BCAS1: variants seen among roughly 807,000 people sequenced by gnomAD.
BCAS1 encodes the protein brain enriched myelin associated protein 1.
Under a neutral mutation model 65.4 loss-of-function variants are expected in BCAS1, and 46 were observed. The observed-to-expected ratio is 0.70, with a 90% CI of 0.55 to 0.90. The LOEUF is 0.90. BCAS1 is among the 40% of genes least tolerant of loss of function. The probability of loss-of-function intolerance (pLI) is 0.00; values close to 1 mark genes in which losing one functional copy is unlikely to be tolerated. For synonymous variants in BCAS1, 298 were observed against 293.5 expected (o/e 1.02, Z -0.16); for missense variants, 793 against 771.2 (o/e 1.03, Z -0.33).
intron 3 of BCAS1, among the ~76,000 whole-genome samples, chr20:54,029,899 G>T (rs963862765): frequency 6.6e-6 from 1 of 152,194 alleles, no homozygotes; most frequent in Non-Finnish European, 1.5e-5. Flanking sequence ...TATTAGCATA[G>T]ACTGTTAAGA....
At chr20:54,014,319 G>A (rs1227447288) in intron 4 of BCAS1, among the ~76,000 whole-genome samples, 2 of 151,994 alleles carry the variant, frequency 1.3e-5, no homozygotes, top group African/African-American at 4.8e-5. Flanking sequence ...CTTTTTTGTT[G>A]GCTTCAAAGA....
chr20:54,053,278 C>T (rs2092248051), intron 3 of BCAS1, among the ~76,000 whole-genome samples: 1 of 152,156 alleles, frequency 6.6e-6, no homozygotes, highest in African/African-American at 2.4e-5. Context: ...GAAAGATCTC[C>T]AATCCACATG....
intron 3 of BCAS1, among the ~76,000 whole-genome samples, chr20:54,055,243 A>G (rs1019875367): frequency 3.3e-5 from 5 of 152,216 alleles, no homozygotes; most frequent in African/African-American, 1.2e-4. Context: ...GAAGTTCCTA[A>G]GAAAGTTAAA....
At position 53,966,900 on chromosome 20, in the gene BCAS1, G is replaced by T. The variant is rs755640418; in HGVS notation, c.1485+6C>A. On this transcript the variant is annotated splice_donor_region_variant and intron_variant, in intron 10 of 12. Transcript: ENST00000688948. ...AGGTTTCCTATACTGGAAGTAAGGGGCTTACCATTTGTCTGAGAAACGCCA... is the reference window on the plus strand; with the variant it reads ...AGGTTTCCTATACTGGAAGTAAGGGTCTTACCATTTGTCTGAGAAACGCCA... The T allele has an allele frequency of 6.2e-7, 1 of 1,603,478 alleles. No individual in the cohort carries two copies. Among genetic ancestry groups the T allele is most frequent in the African/African-American group, 1.4e-5 (1 of 74,012 alleles).
At chr20:53,952,255 T>C (rs910613444) in intron 12 of BCAS1, among the ~76,000 whole-genome samples, 2 of 152,264 alleles carry the variant, frequency 1.3e-5, no homozygotes, top group Non-Finnish European at 2.9e-5. Flanking sequence ...ACCTGCTGTT[T>C]ATGCAGTCCT....
intron 8 of BCAS1, among the ~76,000 whole-genome samples, chr20:53,981,687 A>C (rs2090485319): frequency 6.6e-6 from 1 of 152,114 alleles, no homozygotes; most frequent in Non-Finnish European, 1.5e-5. Context: ...CTGAGATTTG[A>C]TAATGTCTCT....
chr20:54,013,836 T>A (rs2091374502), intron 4 of BCAS1, among the ~76,000 whole-genome samples: 1 of 152,234 alleles, frequency 6.6e-6, no homozygotes, highest in Non-Finnish European at 1.5e-5. Context: ...GAGTGCATAT[T>A]ATGTTACCGT....
intron 3 of BCAS1, among the ~76,000 whole-genome samples, chr20:54,049,571 CT>C (rs781612789): frequency 0.01 from 1,457 of 143,222 alleles, 12 homozygotes; most frequent in African/African-American, 0.025. Flanking sequence ...ATAGCCTCTA[CT>C]TTTTTTTTTT....
intron 12 of BCAS1, among the ~76,000 whole-genome samples, chr20:53,945,415 A>AG (rs2089282630): frequency 1.1e-5 from 1 of 92,228 alleles, no homozygotes; most frequent in Non-Finnish European, 2.5e-5. Context: ...TTTTTTTTTT[A>AG]TTATACTTTT....
chr20:53,982,883 T>G (rs2090517723), intron 8 of BCAS1, among the ~76,000 whole-genome samples: 1 of 152,134 alleles, frequency 6.6e-6, no homozygotes, highest in South Asian at 2.1e-4. Context: ...ACAAATAAAG[T>G]AATTACAATA....
chr20:53,984,538 T>A (rs1333690399), intron 8 of BCAS1, among the ~76,000 whole-genome samples: 2 of 152,224 alleles, frequency 1.3e-5, no homozygotes, highest in Admixed American at 1.3e-4. Flanking sequence ...TTTGATGAAA[T>A]TCTGAAGTTA....
intron 11 of BCAS1, among the ~76,000 whole-genome samples, chr20:53,955,597 C>G (rs2089674636): frequency 6.6e-6 from 1 of 152,204 alleles, no homozygotes; most frequent in Non-Finnish European, 1.5e-5. Flanking sequence ...CATAACCTTG[C>G]TGTGTGACCA....
At chr20:53,953,372 G>A (rs2089589686) in intron 12 of BCAS1, 60 bp downstream of exon 12, 9 of 1,595,098 alleles carry the variant, frequency 5.6e-6, no homozygotes, top group Non-Finnish European at 6.8e-6. Flanking sequence ...AACTGACTGG[G>A]GCAGATGGTG....
intron 4 of BCAS1, among the ~76,000 whole-genome samples, chr20:54,006,217 C>G (rs535878222): frequency 3.3e-5 from 5 of 152,312 alleles, no homozygotes; most frequent in African/African-American, 1.2e-4. Context: ...AGAGAACAAT[C>G]TGCAAGGCAA....
rs535958023 is a variant in BCAS1, at chr20:53,944,842, G to A, written c.*80C>T. On this transcript the variant is annotated 3_prime_UTR_variant, in exon 13 of 13. Coordinates refer to ENST00000688948, the MANE Select transcript of BCAS1 (RefSeq NM_001366298.2). ...TGGCCATCAGAAGAATATATACATGGAGCGTGTTTGGGGAGGAGATGGAGT... is the reference window on the plus strand; with the variant it reads ...TGGCCATCAGAAGAATATATACATGAAGCGTGTTTGGGGAGGAGATGGAGT... The A allele has an allele frequency of 1.6e-3, 1,980 of 1,271,564 alleles. 3 individuals carry two copies. Among genetic ancestry groups the A allele is most frequent in the Non-Finnish European group, 1.9e-3 (1,662 of 868,022 alleles). 78.8% of individuals were successfully genotyped at this position (1,271,564 alleles called of 1,614,324 possible).
At chr20:54,060,647 G>T (rs2092365923) in intron 1 of BCAS1, among the ~76,000 whole-genome samples, 1 of 152,160 alleles carries the variant, frequency 6.6e-6, no homozygotes, top group Non-Finnish European at 1.5e-5. Context: ...ATAACATTAC[G>T]TGAGATGGGA....
chr20:54,003,139 T>C (rs1488233482), intron 4 of BCAS1, among the ~76,000 whole-genome samples: 1 of 151,628 alleles, frequency 6.6e-6, no homozygotes, highest in Non-Finnish European at 1.5e-5. Context: ...GTATAATTCG[T>C]TGTGAGTTTC....
intron 9 of BCAS1, among the ~76,000 whole-genome samples, chr20:53,970,633 G>C (rs1398543676): frequency 2.0e-5 from 3 of 152,144 alleles, no homozygotes; most frequent in African/African-American, 7.2e-5. Context: ...AGAGGATATG[G>C]TAGACATTGC....
At chr20:54,043,927 C>G (rs1488587824) in intron 3 of BCAS1, among the ~76,000 whole-genome samples, 1 of 152,226 alleles carries the variant, frequency 6.6e-6, no homozygotes, top group African/African-American at 2.4e-5. Flanking sequence ...GTATGCTTTG[C>G]ATATAATGGA....
Sources: allele counts gnomAD v4.1 joint callset (sites outside exome capture counted in the v4.1 genomes callset), GRCh38; gene constraint gnomAD v4.1.1; transcripts MANE v1.5; gene names NCBI Gene and HGNC (gene_info 2026-07-23, HGNC 2026-07-21).